The following ERC2 variants were observed in gnomAD, a reference collection of about 807,000 sequenced individuals.
ERC2 encodes the protein ERC protein 2.
In ERC2, 42 loss-of-function variants were observed where a neutral mutation model predicts 114.8. The observed-to-expected ratio is 0.37, with a 90% CI of 0.29 to 0.47. The LOEUF is 0.47. Ranked by LOEUF, ERC2 falls within the 20% of genes least tolerant of loss-of-function variation. ERC2 has a pLI of 0.99. For synonymous variants in ERC2, 454 were observed against 425.5 expected (o/e 1.07, Z -0.82); for missense variants, 939 against 1,150.7 (o/e 0.82, Z 2.66).
chr3:55,676,441 C>CTTA (rs71619901), intron 17 of ERC2, among the ~76,000 whole-genome samples: 11,182 of 142,060 alleles, frequency 0.079, 493 homozygotes, highest in African/African-American at 0.1. Context: ...TACTGAGCTG[C>CTTA]TTATTATTAT....
chr3:55,861,802 G>C (rs957785945), intron 14 of ERC2, among the ~76,000 whole-genome samples: 10 of 152,162 alleles, frequency 6.6e-5, no homozygotes, highest in African/African-American at 2.2e-4. Flanking sequence ...TGTGTGCCTT[G>C]GGCAAATTTA....
rs113090852 is a variant in ERC2, at chr3:55,729,288, C to T, written c.2712+5483G>A. Among the ~76,000 whole-genome samples, 207 of 152,278 alleles carry T rather than the reference C, an allele frequency of 1.4e-3. 2 individuals carry two copies. The highest frequency in any genetic ancestry group is 4.9e-3 in the African/African-American group (204 of 41,558). Reference sequence around the variant, plus strand: ...ATCCCCCAAACACACACGTACACTTCTGCTTCATTCCGTCTGCTGGAAAAT... The same window carrying T: ...ATCCCCCAAACACACACGTACACTTTTGCTTCATTCCGTCTGCTGGAAAAT... On this transcript the variant is annotated intron_variant, in intron 15 of 17. Transcript: ENST00000288221.
chr3:55,903,816 C>T (rs1002218550), intron 13 of ERC2, among the ~76,000 whole-genome samples: 11 of 152,204 alleles, frequency 7.2e-5, no homozygotes, highest in Non-Finnish European at 1.6e-4. Flanking sequence ...CAGGCCCACT[C>T]CTCTGGTTAA....
At position 56,059,509 on chromosome 3, in the gene ERC2, T is replaced by C. The variant is rs113221378; in HGVS notation, c.1641+21308A>G. Among the ~76,000 whole-genome samples, 976 of 152,312 alleles carry C rather than the reference T, an allele frequency of 6.4e-3. 7 individuals carry two copies. Among genetic ancestry groups the C allele is most frequent in the African/African-American group, 0.022 (915 of 41,562 alleles). Reference sequence around the variant, plus strand: ...GACTTTGGACAACTTACTTCAGATCTCTAGGATTCAGTTTCCCCATCTGAA... The same window carrying C: ...GACTTTGGACAACTTACTTCAGATCCCTAGGATTCAGTTTCCCCATCTGAA... On this transcript the variant is annotated intron_variant, in intron 7 of 17. Transcript: ENST00000288221.
At chr3:56,427,623 G>A (rs1384645315) in intron 2 of ERC2, among the ~76,000 whole-genome samples, 1 of 152,090 alleles carries the variant, frequency 6.6e-6, no homozygotes, top group Non-Finnish European at 1.5e-5. Flanking sequence ...AATATGATTG[G>A]TGTCCTTATG....
At chr3:55,573,342 T>C (rs536106397) in intron 17 of ERC2, among the ~76,000 whole-genome samples, 1 of 152,242 alleles carries the variant, frequency 6.6e-6, no homozygotes, top group Admixed American at 6.5e-5. Context: ...GCATTTAGCA[T>C]GAAGCCAGGC....
chr3:55,527,133 C>G (rs959493979), intron 17 of ERC2, among the ~76,000 whole-genome samples: 1 of 152,226 alleles, frequency 6.6e-6, no homozygotes, highest in Admixed American at 6.5e-5. Context: ...AGACCTTGGG[C>G]TCTTTAATCC....
intron 10 of ERC2, among the ~76,000 whole-genome samples, chr3:56,006,392 G>A (rs2072495018): frequency 6.6e-6 from 1 of 151,916 alleles, no homozygotes; most frequent in Non-Finnish European, 1.5e-5. Flanking sequence ...TGTATTATAT[G>A]CTTTGATTGA....
rs74324937 is a variant in ERC2, at chr3:56,283,595, G to A, written c.1074+12424C>T. Among the ~76,000 whole-genome samples, 731 of 152,320 alleles carry A rather than the reference G, an allele frequency of 4.8e-3. 1 individual carries two copies. Among genetic ancestry groups the A allele is most frequent in the Non-Finnish European group, 7.0e-3 (473 of 68,032 alleles). On this transcript the variant is annotated intron_variant, in intron 3 of 17. Transcript: ENST00000288221. ...CTTTACAAATAAATCACCTTGCAAT[G>A]TATTCTATTTGAATATGGATGAGAA...
chr3:56,065,802 G>A (rs2076449375), intron 7 of ERC2, among the ~76,000 whole-genome samples: 1 of 152,006 alleles, frequency 6.6e-6, no homozygotes, highest in African/African-American at 2.4e-5. Context: ...TGTGGTGTTT[G>A]GTTTTCTGTT....
At chr3:55,764,510 G>A (rs2067648421) in intron 14 of ERC2, among the ~76,000 whole-genome samples, 1 of 152,196 alleles carries the variant, frequency 6.6e-6, no homozygotes, top group Non-Finnish European at 1.5e-5. Context: ...GGTGTTGGCT[G>A]AATGACTACA....
chr3:56,254,474 T>C (rs2052383952), intron 3 of ERC2, among the ~76,000 whole-genome samples: 1 of 152,196 alleles, frequency 6.6e-6, no homozygotes, highest in African/African-American at 2.4e-5. Flanking sequence ...GCAGATTCAC[T>C]GTTAAGGAGG....
intron 3 of ERC2, among the ~76,000 whole-genome samples, chr3:56,194,611 T>G (rs976702581): frequency 1.3e-5 from 2 of 152,202 alleles, no homozygotes; most frequent in Non-Finnish European, 2.9e-5. Flanking sequence ...TATTGTACAC[T>G]ACTGTAGGCT....
At position 55,891,483 on chromosome 3, in the gene ERC2, T is replaced by C. The variant is rs987139919; in HGVS notation, c.2404-2934A>G. On this transcript the variant is annotated intron_variant, in intron 13 of 17. Coordinates refer to ENST00000288221, the MANE Select transcript of ERC2 (RefSeq NM_015576.3). The stretch of plus-strand genomic sequence containing the variant: ...TTTTTTTTGAGCTGGAGTCTCGCTC[T>C]GTCACCAGGCTAAAGTGCAGTGGCG... 7.0e-5 allele frequency among the ~76,000 whole-genome samples: 10 copies of C among 142,608 alleles called. No individual in the cohort carries two copies. In the East Asian group the frequency reaches 2.3e-3, roughly 33 times the overall value. 93.6% of individuals were successfully genotyped at this position (142,608 alleles called of 152,430 possible). A position where few individuals can be genotyped will look rare whatever the true frequency, so the allele number is the denominator to read the frequency against.
chr3:56,213,507 AAGC>A (rs1009369926), intron 3 of ERC2, among the ~76,000 whole-genome samples: 3 of 152,204 alleles, frequency 2.0e-5, no homozygotes, highest in African/African-American at 7.2e-5. Context: ...TAGGTAAACA[AAGC>A]AGCCAGGAAG....
At chr3:55,872,769 C>T (rs955085957) in intron 14 of ERC2, among the ~76,000 whole-genome samples, 9 of 152,166 alleles carry the variant, frequency 5.9e-5, no homozygotes, top group African/African-American at 2.2e-4. Flanking sequence ...CCCTCTGCCT[C>T]CAGAGGTGCT....
intron 14 of ERC2, among the ~76,000 whole-genome samples, chr3:55,765,700 G>A (rs1378784236): frequency 6.6e-6 from 1 of 152,116 alleles, no homozygotes; most frequent in Non-Finnish European, 1.5e-5. Context: ...ATGCAGATAC[G>A]ATATTAATAC....
chr3:56,463,854 G>T (rs184709855), intron 1 of ERC2, among the ~76,000 whole-genome samples: 1 of 152,316 alleles, frequency 6.6e-6, no homozygotes, highest in East Asian at 1.9e-4. Flanking sequence ...TATTCCTAAT[G>T]ATAAGTTTCA....
chr3:55,516,413 T>TA (rs1469019505), intron 17 of ERC2, among the ~76,000 whole-genome samples: 6 of 152,154 alleles, frequency 3.9e-5, no homozygotes, highest in African/African-American at 1.4e-4. Context: ...ATTTTCTTGA[T>TA]AGAAGCAACC....
Sources: allele counts gnomAD v4.1 joint callset (sites outside exome capture counted in the v4.1 genomes callset), GRCh38; gene constraint gnomAD v4.1.1; transcripts MANE v1.5; gene names NCBI Gene and HGNC (gene_info 2026-07-23, HGNC 2026-07-21).